GPRIN2: variants seen among roughly 807,000 people sequenced by gnomAD.
The protein encoded by GPRIN2 is G protein-regulated inducer of neurite outgrowth 2.
GPRIN2 carries 1 observed loss-of-function variant against 0.3 expected under a neutral mutation model. The observed-to-expected ratio is 3.90, with a 90% confidence interval of 1.39 to 18.51. The LOEUF (loss-of-function observed/expected upper bound fraction) is 18.51. Among genes scored for constraint, GPRIN2 ranks in the 30% most tolerant of loss-of-function variants. The pLI is 0.11. For synonymous variants in GPRIN2, 361 were observed against 258.6 expected, an observed-to-expected ratio of 1.40 and a Z score of -3.80; for missense variants, 880 against 604.2, an observed-to-expected ratio of 1.46 and a Z score of -4.79.
intron 1 of GPRIN2, among the ~76,000 whole-genome samples, chr10:46,555,004 T>C (rs1843014570): frequency 1.3e-5 from 2 of 152,430 alleles, no homozygotes; most frequent in South Asian, 4.1e-4. Flanking sequence ...TCGAGTACAA[T>C]GGCTCAGTCT....
rs1832786009 is a variant in GPRIN2, at chr10:46,548,754, T to C, written c.*606A>G. 0.84 allele frequency among the ~76,000 whole-genome samples: 128,088 copies of C among 152,400 alleles called. 51,889 individuals are homozygous for C. The highest frequency in any genetic ancestry group is 0.95 in the East Asian group (4,934 of 5,196). On this transcript the variant is annotated 3_prime_UTR_variant, in exon 3 of 3. Coordinates refer to ENST00000374314, the MANE Select transcript of GPRIN2 (RefSeq NM_001385282.1). The stretch of plus-strand genomic sequence containing the variant: ...TACAGGGCAACACCCACGGCTCAGC[T>C]GGCCCTGGCTTTGGATCTCAGTCCC...
rs1841804194 is a variant in GPRIN2 at position 46,542,031 on chromosome 10, C to T, written c.*7329G>A. 6.6e-6 allele frequency among the ~76,000 whole-genome samples: 1 copy of T among 152,312 alleles called. No individual in the cohort carries two copies. On this transcript the variant is annotated 3_prime_UTR_variant, in exon 3 of 3. Coordinates refer to ENST00000374314, the MANE Select transcript of GPRIN2 (RefSeq NM_001385282.1). Reference sequence around the variant, plus strand: ...ACTCTGAAGAGAAAAAAAATCAAACCAAAGAGTTTTCCTCAAGAGTTGCAG... The same window carrying T: ...ACTCTGAAGAGAAAAAAAATCAAACTAAAGAGTTTTCCTCAAGAGTTGCAG...
chr10:46,552,503 T>G (rs1842725516), intron 2 of GPRIN2, among the ~76,000 whole-genome samples: 1 of 152,312 alleles, frequency 6.6e-6, no homozygotes, highest in Non-Finnish European at 1.5e-5. Context: ...ACTCGGTTTC[T>G]GTGTAATTAC....
Position 46,548,945 on chromosome 10 carries a change from G to C in GPRIN2, c.*415C>G, listed in dbSNP as rs976007183. On this transcript the variant is annotated 3_prime_UTR_variant, in exon 3 of 3. Coordinates refer to ENST00000374314, the MANE Select transcript of GPRIN2 (RefSeq NM_001385282.1). ...AAGACCTGGGCAGTCCCTGTCACTG[G>C]GGCCTCACATTTCATGTCGAGAATT... 28 of 216,118 alleles carry C rather than the reference G, an allele frequency of 1.3e-4. No homozygotes were observed. The highest frequency in any genetic ancestry group is 4.8e-4 in the African/African-American group (21 of 43,786). The allele number at this position is 216,118 out of a possible 1,614,324, so 13.4% of individuals were successfully genotyped here. A position where few individuals can be genotyped will look rare whatever the true frequency, so the allele number is the denominator to read the frequency against.
In GPRIN2 at chr10:46,543,476, C is replaced by T. The variant is rs1212478497; in HGVS notation, c.*5884G>A. ...CAGCGGGTGCAGGACCAGCAGAGGT[C>T]CCCCGACTGTCCTTGGCTGTGTGCA... is the stretch of plus-strand genomic sequence containing the variant. On this transcript the variant is annotated 3_prime_UTR_variant, in exon 3 of 3. Transcript: ENST00000374314. Among the ~76,000 whole-genome samples, 2 of 152,310 alleles carry T rather than the reference C, an allele frequency of 1.3e-5. No homozygotes were observed. The highest frequency in any genetic ancestry group is 6.5e-5 in the Admixed American group (1 of 15,294).
chr10:46,553,717 C>T (rs1457674397), intron 2 of GPRIN2, among the ~76,000 whole-genome samples: 1 of 152,308 alleles, frequency 6.6e-6, no homozygotes, highest in African/African-American at 2.4e-5. Context: ...TTCCCCATTC[C>T]CCCTCCACAA....
In GPRIN2 at chr10:46,550,503, A is replaced by G; in HGVS notation, c.234T>C (p.Ser78=). Residue 78 remains serine (S), a synonymous_variant, in exon 3 of 3, where the codon TCT becomes TCC. Transcript: ENST00000374314. The part of the protein sequence containing the change: ...PPESMKPARA[S]GPKARPSAGG... ...CAGCACTGGGTCGCGCCTTGGGGCC[A>G]GAGGCCCGTGCTGGCTTCATGCTCT... The G allele has an allele frequency of 6.2e-7, 1 of 1,607,026 alleles. No homozygotes were observed. Among genetic ancestry groups the G allele is most frequent in the Non-Finnish European group, 8.5e-7 (1 of 1,175,966 alleles).
rs1001389003 is a variant in GPRIN2 at position 46,547,026 on chromosome 10, A to G, written c.*2334T>C. Among the ~76,000 whole-genome samples, 2 of 152,306 alleles carry G rather than the reference A, an allele frequency of 1.3e-5. No individual in the cohort carries two copies. Among genetic ancestry groups the G allele is most frequent in the Non-Finnish European group, 2.9e-5 (2 of 68,056 alleles). On this transcript the variant is annotated 3_prime_UTR_variant, in exon 3 of 3. Transcript: ENST00000374314. ...AGAATCTGCACGTGACACAGAAGAA[A>G]GTCTCTTCATGAAGTAGGTTTCACT... is the stretch of plus-strand genomic sequence containing the variant.
chr10:46,545,322 C>A lies in GPRIN2; in HGVS notation c.*4038G>T, dbSNP rs1253215991. 6.6e-6 allele frequency among the ~76,000 whole-genome samples: 1 copy of A among 152,306 alleles called. No individual in the cohort carries two copies. The stretch of plus-strand genomic sequence containing the variant: ...GCCTGCCTGCCAGAGAGCAGAAGTG[C>A]CTGGAGGCTACATCTTCACCCCTGG... On this transcript the variant is annotated 3_prime_UTR_variant, in exon 3 of 3. Coordinates refer to ENST00000374314, the MANE Select transcript of GPRIN2 (RefSeq NM_001385282.1).
Position 46,546,970 on chromosome 10 carries a change from CAG to C in GPRIN2, c.*2388_*2389del, listed in dbSNP as rs1181952592. The stretch of plus-strand genomic sequence containing the variant: ...AAGCCAGGGCAGCATGGAGGTAGCA[CAG>C]AGTGGCACCCAGCCAGCGTGAATGC... On this transcript the variant is annotated 3_prime_UTR_variant, in exon 3 of 3. Transcript: ENST00000374314. Among the ~76,000 whole-genome samples the C allele has an allele frequency of 6.6e-6, 1 of 152,310 alleles. No individual in the cohort carries two copies. Among genetic ancestry groups the C allele is most frequent in the Admixed American group, 6.5e-5 (1 of 15,294 alleles).
rs1555019980 is a variant in GPRIN2, at chr10:46,550,410, C to T, written c.327G>A (p.Leu109=). The part of the protein sequence containing the change: ...STMGGSDLCR[L]RAPSAAAMQR... ...GCATAGCAGCAGCACTAGGGGCCCGCAGGCGACACAGGTCACTGCCGCCCA... is the reference window on the plus strand; with the variant it reads ...GCATAGCAGCAGCACTAGGGGCCCGTAGGCGACACAGGTCACTGCCGCCCA... Residue 109 remains leucine (L), a synonymous_variant, in exon 3 of 3, where the codon CTG becomes CTA. Coordinates refer to ENST00000374314, the MANE Select transcript of GPRIN2 (RefSeq NM_001385282.1). 16 of 1,611,772 alleles carry T rather than the reference C, an allele frequency of 9.9e-6. No individual in the cohort carries two copies. The highest frequency in any genetic ancestry group is 1.2e-5 in the Non-Finnish European group (14 of 1,179,624).
Position 46,545,586 on chromosome 10 carries a change from A to G in GPRIN2, c.*3774T>C, listed in dbSNP as rs1842085328. On this transcript the variant is annotated 3_prime_UTR_variant, in exon 3 of 3. Coordinates refer to ENST00000374314, the MANE Select transcript of GPRIN2 (RefSeq NM_001385282.1). ...AACTACATTTTCAGAAGCCCCAGCC[A>G]GAGGGCCAAGTCCCAGGCAGGGTGC... Among the ~76,000 whole-genome samples the G allele has an allele frequency of 6.6e-6, 1 of 152,310 alleles. No individual in the cohort carries two copies. Among genetic ancestry groups the G allele is most frequent in the South Asian group, 2.1e-4 (1 of 4,838 alleles).
At position 46,547,428 on chromosome 10, in the gene GPRIN2, G is replaced by T. The variant is rs1842265393; in HGVS notation, c.*1932C>A. Among the ~76,000 whole-genome samples the T allele has an allele frequency of 6.6e-6, 1 of 152,308 alleles. No individual in the cohort carries two copies. The highest frequency in any genetic ancestry group is 2.4e-5 in the African/African-American group (1 of 41,486). ...AGGATCTTCACAATGGGGACCCCTG[G>T]TCACCTCCCAACCCAACAAACGCTC... is the stretch of plus-strand genomic sequence containing the variant. On this transcript the variant is annotated 3_prime_UTR_variant, in exon 3 of 3. Transcript: ENST00000374314.
rs1832270854 is a variant in GPRIN2, at chr10:46,550,703, C to T, written c.34G>A (p.Ala12Thr). 6.0e-6 allele frequency: 9 copies of T among 1,509,770 alleles called. No homozygotes were observed. The highest frequency in any genetic ancestry group is 8.0e-6 in the Non-Finnish European group (9 of 1,131,472). The allele number at this position is 1,509,770 out of a possible 1,614,324, so 93.5% of individuals were successfully genotyped here. A position where few individuals can be genotyped will look rare whatever the true frequency, so the allele number is the denominator to read the frequency against. Residue 12 changes from alanine (A) to threonine (T), a missense_variant, in exon 3 of 3, where the codon GCA (alanine) becomes ACA (threonine). Coordinates refer to ENST00000374314, the MANE Select transcript of GPRIN2 (RefSeq NM_001385282.1). ...GGCTGAAGGCGGGGGCTCAGGGGTG[C>T]CCAGGGACCCGGCTCGGGGCGGCTG... ...SSSRPEPGPW[A>T]PLSPRLQPLS...
intron 1 of GPRIN2, among the ~76,000 whole-genome samples, chr10:46,556,098 G>C (rs1423643006): frequency 8.5e-5 from 13 of 152,300 alleles, no homozygotes; most frequent in Non-Finnish European, 1.3e-4. Context: ...TGGGGCTGTG[G>C]GCCGGGGTAA....
rs1286961701 is a variant in GPRIN2 at position 46,545,241 on chromosome 10, A to C, written c.*4119T>G. ...GTGGTTTCTGTGCACAACTTCCCCC[A>C]AAATAGGCCCTACGACTCCAGCAGA... On this transcript the variant is annotated 3_prime_UTR_variant, in exon 3 of 3. Transcript: ENST00000374314. Among the ~76,000 whole-genome samples the C allele has an allele frequency of 2.0e-5, 3 of 152,234 alleles. No individual in the cohort carries two copies. The highest frequency in any genetic ancestry group is 4.4e-5 in the Non-Finnish European group (3 of 68,038).
Position 46,549,394 on chromosome 10 carries a change from C to T in GPRIN2, c.1343G>A (p.Ser448Asn). The T allele has an allele frequency of 6.7e-7, 1 of 1,502,016 alleles. No individual in the cohort carries two copies. The highest frequency in any genetic ancestry group is 8.9e-7 in the Non-Finnish European group (1 of 1,128,910). The allele number at this position is 1,502,016 out of a possible 1,614,324, so 93.0% of individuals were successfully genotyped here. ...RAVMQSLRRP[S>N]CCGCSGAAPE ...GGCCGCGCCGGAGCAGCCGCAGCAG[C>T]TGGGGCGCCGCAGGGACTGCATGAC... The change falls in exon 3 of 3, where the codon AGC (serine) becomes AAC (asparagine). Residue 448 changes from serine to asparagine, a missense_variant. Physicochemically the swap from Ser to Asn is conservative, Grantham distance 46. Coordinates refer to ENST00000374314, the MANE Select transcript of GPRIN2 (RefSeq NM_001385282.1).
rs1674281301 is a variant in GPRIN2, at chr10:46,542,916, A to T, written c.*6444T>A. The stretch of plus-strand genomic sequence containing the variant: ...CCAGCAGATGGGTGCCACCCACCTG[A>T]TGTACCTCTCTAGCAGCCTAGCCAG... On this transcript the variant is annotated 3_prime_UTR_variant, in exon 3 of 3. Transcript: ENST00000374314. Among the ~76,000 whole-genome samples the T allele has an allele frequency of 1.3e-5, 2 of 152,426 alleles. No individual in the cohort carries two copies. The highest frequency in any genetic ancestry group is 4.1e-4 in the South Asian group (2 of 4,832).
At position 46,549,479 on chromosome 10, in the gene GPRIN2, G is replaced by A. The variant is rs1832702738; in HGVS notation, c.1258C>T (p.Arg420Trp). Reference sequence around the variant, plus strand: ...AGGCTGTCCTCGCTGGCGGGCGCCCGCTGCAGCTGCTCAAACTGCATCTCC... The same window carrying A: ...AGGCTGTCCTCGCTGGCGGGCGCCCACTGCAGCTGCTCAAACTGCATCTCC... ...HLEMQFEQLQRAPASEDSLSV... is the reference protein window; with the variant it reads ...HLEMQFEQLQWAPASEDSLSV... The change falls in exon 3 of 3, where the codon CGG becomes TGG. Residue 420 changes from arginine (R) to tryptophan (W), a missense_variant. Physicochemically the swap from Arg to Trp is moderately radical, Grantham distance 101. Transcript: ENST00000374314. 59 of 1,610,904 alleles carry A rather than the reference G, an allele frequency of 3.7e-5. No individual in the cohort carries two copies. The highest frequency in any genetic ancestry group is 4.0e-5 in the African/African-American group (3 of 74,914).
Sources: gnomAD v4.1 joint callset for allele counts (sites outside exome capture counted in the v4.1 genomes callset) on GRCh38, gnomAD v4.1.1 for gene constraint, MANE v1.5 for transcripts, NCBI Gene and HGNC (gene_info 2026-07-23, HGNC 2026-07-21) for gene names.